The following IPP variants were observed in gnomAD, a reference collection of about 807,000 sequenced individuals.
IPP encodes intracisternal A particle-promoted polypeptide.
A neutral mutation model predicts 64.1 loss-of-function variants in IPP; 41 were observed. That is an observed-to-expected ratio of 0.64 (90% confidence interval 0.50 to 0.83). The LOEUF (loss-of-function observed/expected upper bound fraction) is 0.83. Ranked by LOEUF, IPP falls within the 40% of genes least tolerant of loss-of-function variation. The pLI is 0.00. For missense variants in IPP, 649 were observed against 703.0 expected (o/e 0.92, Z 0.87); for synonymous variants, 214 against 235.2 (o/e 0.91, Z 0.83).
At chr1:45,747,989 G>A (rs56044371) in intron 1 of IPP, among the ~76,000 whole-genome samples, 1 of 142,462 alleles carries the variant, frequency 7.0e-6, no homozygotes, top group African/African-American at 3.1e-5. Context: ...GCTGATGTTA[G>A]AAAAAAAATG....
chr1:45,725,149 T>C (rs1388523975), intron 5 of IPP, among the ~76,000 whole-genome samples: 1 of 93,666 alleles, frequency 1.1e-5, no homozygotes, highest in Non-Finnish European at 2.0e-5. Flanking sequence ...AGCCGCCCCG[T>C]CCGGGAGTGG....
At position 45,699,298 on chromosome 1, in the gene IPP, C is replaced by T; in HGVS notation, c.*668G>A. ...CTTGGCATTAAATAAAAGTAGGAATCTATTTCATTGGCTTTCTCTGTGGCT... is the reference window on the plus strand; with the variant it reads ...CTTGGCATTAAATAAAAGTAGGAATTTATTTCATTGGCTTTCTCTGTGGCT... On this transcript the variant is annotated 3_prime_UTR_variant, in exon 9 of 9. Transcript: ENST00000396478. The T allele has an allele frequency of 1.0e-6, 1 of 985,364 alleles. No homozygotes were observed. The highest frequency in any genetic ancestry group is 1.2e-6 in the Non-Finnish European group (1 of 829,896). 61.0% of individuals were successfully genotyped at this position (985,364 alleles called of 1,614,324 possible).
At chr1:45,718,103 C>T (rs528897580) in intron 6 of IPP, among the ~76,000 whole-genome samples, 2 of 152,266 alleles carry the variant, frequency 1.3e-5, no homozygotes, top group African/African-American at 4.8e-5. Context: ...ATACCTTGCT[C>T]ATAATCATTC....
chr1:45,716,264 T>C (rs911908834), intron 7 of IPP, among the ~76,000 whole-genome samples: 1 of 152,188 alleles, frequency 6.6e-6, no homozygotes, highest in Non-Finnish European at 1.5e-5. Context: ...TATTTATTTT[T>C]TGAGATAGAG....
At chr1:45,736,775 C>A (rs1645986712) in intron 3 of IPP, among the ~76,000 whole-genome samples, 1 of 151,820 alleles carries the variant, frequency 6.6e-6, no homozygotes, top group Admixed American at 6.6e-5. Flanking sequence ...CGCGGTGGCT[C>A]ATGACTGTAA....
intron 5 of IPP, among the ~76,000 whole-genome samples, chr1:45,720,148 T>C (rs1164574895): frequency 6.6e-6 from 1 of 151,990 alleles, no homozygotes; most frequent in African/African-American, 2.4e-5. Context: ...CAATCATCGC[T>C]CACTGAAGCC....
chr1:45,733,209 A>G (rs1289351774), intron 3 of IPP, among the ~76,000 whole-genome samples: 1 of 150,700 alleles, frequency 6.6e-6, no homozygotes. Flanking sequence ...GGCAGATCAC[A>G]AGGTCAGGAG....
At chr1:45,739,389 G>T (rs74807331) in intron 3 of IPP, among the ~76,000 whole-genome samples, 8 of 147,982 alleles carry the variant, frequency 5.4e-5, no homozygotes, top group Non-Finnish European at 1.0e-4. Flanking sequence ...GCATGCCACC[G>T]TGCTGGGCTA....
At chr1:45,749,978 G>A (rs1210978257) in intron 1 of IPP, among the ~76,000 whole-genome samples, 1 of 152,124 alleles carries the variant, frequency 6.6e-6, no homozygotes, top group African/African-American at 2.4e-5. Flanking sequence ...GCTAGAGCCT[G>A]AGAAGTCGAG....
chr1:45,735,716 G>A (rs553105668), intron 3 of IPP, among the ~76,000 whole-genome samples: 3 of 140,408 alleles, frequency 2.1e-5, no homozygotes, highest in African/African-American at 5.3e-5. Flanking sequence ...TGCCACCTCC[G>A]CCTCCTCGGT....
At chr1:45,725,015 T>A (rs1235342076) in intron 5 of IPP, among the ~76,000 whole-genome samples, 3 of 73,128 alleles carry the variant, frequency 4.1e-5, no homozygotes, top group African/African-American at 1.7e-4. Context: ...AGGTGGGAGG[T>A]GGGGGGGTCA....
chr1:45,697,245 A>T (rs1645394981), downstream of IPP: 1 of 152,058 alleles, frequency 6.6e-6, no homozygotes, highest in East Asian at 1.9e-4. Flanking sequence ...ACTAAACCAA[A>T]TATTTTTTGT....
intron 5 of IPP, among the ~76,000 whole-genome samples, chr1:45,720,696 A>T (rs1645719916): frequency 6.6e-6 from 1 of 152,208 alleles, no homozygotes. Flanking sequence ...AGGAACAGAA[A>T]CGTACCTATA....
intron 3 of IPP, among the ~76,000 whole-genome samples, chr1:45,738,094 A>G (rs1474473703): frequency 6.6e-6 from 1 of 152,200 alleles, no homozygotes; most frequent in Non-Finnish European, 1.5e-5. Flanking sequence ...CTACAGTTTC[A>G]GGCATCCACT....
chr1:45,730,111 G>T (rs534016050), intron 3 of IPP, among the ~76,000 whole-genome samples: 1 of 152,312 alleles, frequency 6.6e-6, no homozygotes, highest in African/African-American at 2.4e-5. Context: ...ACTTTGGGGG[G>T]CCAAGTCAGG....
At chr1:45,700,860 C>T (rs1226050924) in intron 8 of IPP, among the ~76,000 whole-genome samples, 2 of 152,058 alleles carry the variant, frequency 1.3e-5, no homozygotes, top group African/African-American at 4.8e-5. Context: ...GAGAAAGAAG[C>T]TTATAAACCA....
chr1:45,695,130 A>G (rs969670521), downstream of IPP, among the ~76,000 whole-genome samples: 1 of 152,202 alleles, frequency 6.6e-6, no homozygotes, highest in African/African-American at 2.4e-5. Flanking sequence ...CATCTTTTAA[A>G]TCACAGAGAA....
At position 45,699,046 on chromosome 1, in the gene IPP, T is replaced by G; in HGVS notation, c.*920A>C. The G allele has an allele frequency of 1.0e-6, 1 of 985,480 alleles. No individual in the cohort carries two copies. The highest frequency in any genetic ancestry group is 1.2e-6 in the Non-Finnish European group (1 of 830,034). The allele number at this position is 985,480 out of a possible 1,614,324, so 61.0% of individuals were successfully genotyped here. On this transcript the variant is annotated 3_prime_UTR_variant, in exon 9 of 9. Coordinates refer to ENST00000396478, the MANE Select transcript of IPP (RefSeq NM_005897.3). ...CCAGCCTAAAAAAGGGAGAAATTTC[T>G]AGGTGCATACTGCCTGCTGGACTGT...
intron 3 of IPP, among the ~76,000 whole-genome samples, chr1:45,733,370 G>A (rs534927081): frequency 6.6e-6 from 1 of 151,710 alleles, no homozygotes; most frequent in South Asian, 2.1e-4. Flanking sequence ...AAGTTGCAGT[G>A]AGCTGAGATC....
Sources: allele counts gnomAD v4.1 joint callset (sites outside exome capture counted in the v4.1 genomes callset), GRCh38; gene constraint gnomAD v4.1.1; transcripts MANE v1.5; gene names NCBI Gene and HGNC (gene_info 2026-07-23, HGNC 2026-07-21).